CHCHD6: variants seen among roughly 807,000 people sequenced by gnomAD.
The protein encoded by CHCHD6 is MICOS complex subunit MIC25.
A neutral mutation model predicts 32.3 loss-of-function variants in CHCHD6; 28 were observed. The observed-to-expected ratio is 0.87, with a 90% CI of 0.64 to 1.19. The LOEUF (loss-of-function observed/expected upper bound fraction) is 1.19, where lower values mean the gene tolerates loss of function less well. CHCHD6 is among the 50% of genes most tolerant of loss of function. CHCHD6 has a pLI of 0.00. For missense variants in CHCHD6, 333 were observed against 307.0 expected (o/e 1.08, Z -0.63); for synonymous variants, 122 against 117.5 (o/e 1.04, Z -0.25).
intron 6 of CHCHD6, among the ~76,000 whole-genome samples, chr3:126,928,660 C>G (rs1337487986): frequency 6.6e-6 from 1 of 152,204 alleles, no homozygotes; most frequent in Non-Finnish European, 1.5e-5. Flanking sequence ...GATTCTAACA[C>G]TAGTCCAGTC....
At chr3:126,875,914 T>A (rs1576541360) in intron 5 of CHCHD6, among the ~76,000 whole-genome samples, 2 of 152,210 alleles carry the variant, frequency 1.3e-5, no homozygotes, top group African/African-American at 4.8e-5. Context: ...GAAATATGGA[T>A]CATCTCATTG....
Position 126,892,212 on chromosome 3 carries a change from A to G in CHCHD6, c.496-22468A>G, listed in dbSNP as rs560596311. 1.2e-4 allele frequency among the ~76,000 whole-genome samples: 19 copies of G among 152,318 alleles called. No homozygotes were observed. The East Asian group carries it at 1.7e-3, about 14-fold the overall frequency. ...GCCAGCCTGGGCGGGCTCAGCTCCA[A>G]CACTGAGTCCCATGCTTGTACAGGC... On this transcript the variant is annotated intron_variant, in intron 5 of 7. Transcript: ENST00000290913.
chr3:126,958,704 G>A (rs1286619884), intron 7 of CHCHD6, among the ~76,000 whole-genome samples: 2 of 152,216 alleles, frequency 1.3e-5, no homozygotes, highest in African/African-American at 4.8e-5. Context: ...TGGTCGCAAG[G>A]CCTCTGTCAG....
intron 6 of CHCHD6, among the ~76,000 whole-genome samples, chr3:126,942,889 T>C (rs1406586250): frequency 3.3e-5 from 5 of 152,208 alleles, no homozygotes; most frequent in African/African-American, 1.2e-4. Flanking sequence ...CCACAGTGCA[T>C]GCGTGAGGAC....
At chr3:126,752,669 A>T (rs1380750721) in intron 4 of CHCHD6, among the ~76,000 whole-genome samples, 1 of 151,740 alleles carries the variant, frequency 6.6e-6, no homozygotes, top group African/African-American at 2.4e-5. Flanking sequence ...GCCCTGGGGG[A>T]CAGGTTGACC....
chr3:126,827,671 G>A (rs1940455526), intron 4 of CHCHD6, among the ~76,000 whole-genome samples: 1 of 152,130 alleles, frequency 6.6e-6, no homozygotes, highest in Non-Finnish European at 1.5e-5. Flanking sequence ...TTCACCATGT[G>A]CCAATCACTA....
At chr3:126,765,372 G>A (rs527278844) in intron 4 of CHCHD6, among the ~76,000 whole-genome samples, 75 of 152,306 alleles carry the variant, frequency 4.9e-4, no homozygotes, top group South Asian at 3.5e-3. Flanking sequence ...TCAGCACAGC[G>A]AGCTCGGGCA....
chr3:126,836,745 G>C (rs1468315909), intron 4 of CHCHD6, among the ~76,000 whole-genome samples: 1 of 152,222 alleles, frequency 6.6e-6, no homozygotes, highest in Non-Finnish European at 1.5e-5. Context: ...TGCTGGCTGA[G>C]CTAGGTATGC....
chr3:126,874,308 T>C (rs2077513768), intron 5 of CHCHD6, among the ~76,000 whole-genome samples: 1 of 152,206 alleles, frequency 6.6e-6, no homozygotes, highest in Non-Finnish European at 1.5e-5. Context: ...ACCTGAAAGA[T>C]GCCTTAGGAA....
chr3:126,791,771 A>T (rs888035435), intron 4 of CHCHD6, among the ~76,000 whole-genome samples: 2 of 152,050 alleles, frequency 1.3e-5, no homozygotes, highest in African/African-American at 4.8e-5. Flanking sequence ...CACCATGCCC[A>T]GCTAAGTTTT....
intron 5 of CHCHD6, among the ~76,000 whole-genome samples, chr3:126,913,999 G>A (rs1002039448): frequency 1.3e-5 from 2 of 152,212 alleles, no homozygotes; most frequent in African/African-American, 2.4e-5. Flanking sequence ...CACATGTACC[G>A]GGTGATCTCA....
At chr3:126,943,780 G>A (rs972343038) in intron 6 of CHCHD6, among the ~76,000 whole-genome samples, 5 of 152,130 alleles carry the variant, frequency 3.3e-5, no homozygotes, top group Non-Finnish European at 5.9e-5. Flanking sequence ...GAATGTGCTC[G>A]AGGAAGACAG....
intron 6 of CHCHD6, among the ~76,000 whole-genome samples, chr3:126,929,768 T>C (rs2078377362): frequency 6.6e-6 from 1 of 152,052 alleles, no homozygotes; most frequent in Non-Finnish European, 1.5e-5. Context: ...GTTTCACCAT[T>C]TTGGCCAGGC....
intron 5 of CHCHD6, among the ~76,000 whole-genome samples, chr3:126,869,288 C>CTTTT (rs58408227): frequency 1.8e-3 from 198 of 108,508 alleles, no homozygotes; most frequent in Non-Finnish European, 2.5e-3. Context: ...CACCAGTCTC[C>CTTTT]TTTTTTTTTT....
At chr3:126,729,783 A>G (rs898136642) in intron 2 of CHCHD6, among the ~76,000 whole-genome samples, 2 of 152,160 alleles carry the variant, frequency 1.3e-5, no homozygotes, top group African/African-American at 4.8e-5. Flanking sequence ...TTCTTATGTT[A>G]TGCTCTATGT....
At chr3:126,869,616 T>G (rs2077439133) in intron 5 of CHCHD6, among the ~76,000 whole-genome samples, 1 of 152,168 alleles carries the variant, frequency 6.6e-6, no homozygotes, top group African/African-American at 2.4e-5. Flanking sequence ...AGTTTTGTGT[T>G]AGGCAGTTTG....
At chr3:126,709,420 G>A (rs1934649730) in intron 1 of CHCHD6, among the ~76,000 whole-genome samples, 1 of 152,200 alleles carries the variant, frequency 6.6e-6, no homozygotes, top group Non-Finnish European at 1.5e-5. Flanking sequence ...GTTATTGTGA[G>A]TAACGCTGCT....
At chr3:126,878,022 C>G (rs774302274) in intron 5 of CHCHD6, among the ~76,000 whole-genome samples, 3 of 152,166 alleles carry the variant, frequency 2.0e-5, no homozygotes, top group Non-Finnish European at 2.9e-5. Context: ...ATGGTGATTA[C>G]AAGCTGTTTT....
At chr3:126,730,183 C>T (rs746598137) in intron 2 of CHCHD6, among the ~76,000 whole-genome samples, 2 of 152,130 alleles carry the variant, frequency 1.3e-5, no homozygotes, top group Admixed American at 6.5e-5. Context: ...AACCTCTACC[C>T]GGGAGGTTGT....
Sources: gnomAD v4.1 joint callset for allele counts (sites outside exome capture counted in the v4.1 genomes callset) on GRCh38, gnomAD v4.1.1 for gene constraint, MANE v1.5 for transcripts, NCBI Gene and HGNC (gene_info 2026-07-23, HGNC 2026-07-21) for gene names.